Variants in RIMS2 observed in about 807,000 individuals in gnomAD.
RIMS2 encodes regulating synaptic membrane exocytosis protein 2.
In RIMS2, 59 loss-of-function variants were observed where a neutral mutation model predicts 174.4. The observed-to-expected ratio is 0.34, with a 90% confidence interval of 0.27 to 0.42. RIMS2 has a LOEUF of 0.42. Ranked by LOEUF, RIMS2 falls within the 10% of genes least tolerant of loss-of-function variation. The pLI is 1.00. For missense variants in RIMS2, 1,620 were observed against 1,666.3 expected (o/e 0.97, Z 0.48); for synonymous variants, 606 against 572.5 (o/e 1.06, Z -0.84).
chr8:103,755,313 G>A (rs1193455456), intron 2 of RIMS2, among the ~76,000 whole-genome samples: 1 of 152,102 alleles, frequency 6.6e-6, no homozygotes, highest in Non-Finnish European at 1.5e-5. Context: ...TATTCTCATG[G>A]GCTTCCCTTT....
At chr8:104,059,264 C>T (rs2096931942) in intron 19 of RIMS2, among the ~76,000 whole-genome samples, 2 of 149,630 alleles carry the variant, frequency 1.3e-5, no homozygotes, top group Admixed American at 6.6e-5. Context: ...GTTTGTAGTT[C>T]TCCTTGAAGA....
At chr8:104,093,099 GATTA>G (rs1238388163) in intron 19 of RIMS2, among the ~76,000 whole-genome samples, 10 of 151,804 alleles carry the variant, frequency 6.6e-5, no homozygotes, top group Admixed American at 4.6e-4. Flanking sequence ...AAGCATAATG[GATTA>G]ATTGATGGCT....
intron 17 of RIMS2, among the ~76,000 whole-genome samples, chr8:103,995,299 A>T (rs2095015031): frequency 6.6e-6 from 1 of 152,144 alleles, no homozygotes; most frequent in African/African-American, 2.4e-5. Context: ...TAGCCAGACA[A>T]ATTATCCTAT....
chr8:104,173,020 A>C (rs1227158495), intron 19 of RIMS2, among the ~76,000 whole-genome samples: 1 of 152,124 alleles, frequency 6.6e-6, no homozygotes, highest in East Asian at 1.9e-4. Context: ...ATAGCCTTGA[A>C]ATGTTACCAG....
intron 1 of RIMS2, among the ~76,000 whole-genome samples, chr8:103,690,825 T>A (rs1164025418): frequency 6.6e-6 from 1 of 152,216 alleles, no homozygotes; most frequent in East Asian, 1.9e-4. Context: ...TGATTTCCTA[T>A]TGCTCATTAA....
At chr8:103,630,487 G>T (rs1159266035) in intron 1 of RIMS2, among the ~76,000 whole-genome samples, 4 of 150,588 alleles carry the variant, frequency 2.7e-5, no homozygotes, top group African/African-American at 9.8e-5. Flanking sequence ...GGAAATAATA[G>T]GAGAATCACT....
rs552495054 is a variant in RIMS2 at position 103,786,037 on chromosome 8, G to C, written c.698+19500G>C. Among the ~76,000 whole-genome samples the C allele has an allele frequency of 5.9e-5, 9 of 152,250 alleles. No homozygotes were observed. The East Asian group carries it at 1.7e-3, about 29-fold the overall frequency. ...TCGAGGAATGTATCCATTTCTTCTA[G>C]ATTTTCTAGTTTATTTGCGTAGAGT... On this transcript the variant is annotated intron_variant, in intron 3 of 23. Coordinates refer to ENST00000504942, the Ensembl canonical transcript of RIMS2.
intron 1 of RIMS2, among the ~76,000 whole-genome samples, chr8:103,555,588 G>T (rs1027807754): frequency 6.6e-6 from 1 of 151,952 alleles, no homozygotes; most frequent in Admixed American, 6.6e-5. Flanking sequence ...GGCATTATTC[G>T]CAATTCCCGA....
chr8:103,645,825 G>T (rs886323685), intron 1 of RIMS2, among the ~76,000 whole-genome samples: 5 of 151,960 alleles, frequency 3.3e-5, no homozygotes, highest in African/African-American at 1.2e-4. Context: ...TTTAATAAAG[G>T]AATATTAAAA....
At chr8:103,912,257 C>A in intron 6 of RIMS2, 85 bp downstream of exon 9, 1 of 963,434 alleles carries the variant, frequency 1.0e-6, no homozygotes, top group South Asian at 2.0e-5. Flanking sequence ...CAACCTGTAC[C>A]AATTTAGTAG....
intron 3 of RIMS2, among the ~76,000 whole-genome samples, chr8:103,868,063 A>G (rs2099092014): frequency 6.6e-6 from 1 of 152,030 alleles, no homozygotes; most frequent in African/African-American, 2.4e-5. Flanking sequence ...CATATAGCCA[A>G]CATTTATTAG....
chr8:103,928,954 T>C (rs959842997), intron 11 of RIMS2, among the ~76,000 whole-genome samples: 1 of 151,592 alleles, frequency 6.6e-6, no homozygotes, highest in Non-Finnish European at 1.5e-5. Flanking sequence ...GTGATGTACC[T>C]AATAAAATCT....
intron 2 of RIMS2, among the ~76,000 whole-genome samples, chr8:103,765,598 A>G (rs936899927): frequency 6.6e-6 from 1 of 152,172 alleles, no homozygotes; most frequent in African/African-American, 2.4e-5. Context: ...GAGGATCAAC[A>G]AAGCTTGTAG....
At chr8:103,673,152 C>G (rs1219539828) in intron 1 of RIMS2, among the ~76,000 whole-genome samples, 1 of 152,212 alleles carries the variant, frequency 6.6e-6, no homozygotes, top group African/African-American at 2.4e-5. Context: ...CCTTGGGCAG[C>G]TCCACCCCTG....
intron 3 of RIMS2, among the ~76,000 whole-genome samples, chr8:103,783,448 G>A (rs1392403817): frequency 4.8e-4 from 71 of 147,210 alleles, no homozygotes; most frequent in African/African-American, 1.7e-3. Flanking sequence ...AGTCCCCAGA[G>A]TGTGATATTC....
chr8:103,509,383 C>T (rs1443248329), intron 1 of RIMS2, among the ~76,000 whole-genome samples: 1 of 152,066 alleles, frequency 6.6e-6, no homozygotes, highest in East Asian at 1.9e-4. Flanking sequence ...TTATTTCATT[C>T]TTTGTGTATT....
chr8:103,679,913 C>G (rs72679453), intron 1 of RIMS2, among the ~76,000 whole-genome samples: 4,475 of 152,028 alleles, frequency 0.029, 97 homozygotes, highest in Non-Finnish European at 0.047. Flanking sequence ...TTGTAAATAG[C>G]ATTTTATTGG....
chr8:103,715,503 A>G (rs1183009950), intron 2 of RIMS2, among the ~76,000 whole-genome samples: 1 of 152,194 alleles, frequency 6.6e-6, no homozygotes, highest in Non-Finnish European at 1.5e-5. Context: ...AAACAGTGAT[A>G]TCTCAAAACA....
chr8:103,699,707 A>G (rs1422907798), intron 2 of RIMS2, among the ~76,000 whole-genome samples: 1 of 151,768 alleles, frequency 6.6e-6, no homozygotes, highest in Non-Finnish European at 1.5e-5. Flanking sequence ...TTCTTTTGTA[A>G]ATTAGGGGTC....
Sources: gnomAD v4.1 joint callset for allele counts (sites outside exome capture counted in the v4.1 genomes callset) on GRCh38, gnomAD v4.1.1 for gene constraint, MANE v1.5 for transcripts, NCBI Gene and HGNC (gene_info 2026-07-23, HGNC 2026-07-21) for gene names.